Variants in HIF1A observed in about 807,000 individuals in gnomAD.
HIF1A encodes the protein hypoxia inducible factor 1 subunit alpha.
A neutral mutation model predicts 92.7 loss-of-function variants in HIF1A; 24 were observed. The ratio of observed to expected loss-of-function variants is 0.26; its 90% CI spans 0.19 to 0.36. The LOEUF (loss-of-function observed/expected upper bound fraction) is 0.36. Ranked by LOEUF, HIF1A falls within the 10% of genes least tolerant of loss-of-function variation. The pLI is 1.00. For synonymous variants in HIF1A, 319 were observed against 338.7 expected (o/e 0.94, Z 0.64); for missense variants, 799 against 998.5 (o/e 0.80, Z 2.69).
chr14:61,729,899 C>T (rs72714570), intron 6 of HIF1A, among the ~76,000 whole-genome samples: 2 of 152,074 alleles, frequency 1.3e-5, no homozygotes, highest in Non-Finnish European at 2.9e-5. Context: ...TGGTTTAGAG[C>T]TCTTTCCAGG....
In HIF1A at chr14:61,726,986, G is replaced by A. The variant is rs144298291; in HGVS notation, c.570+168G>A. Reference sequence around the variant, plus strand: ...CATGTGATCTCCAAAATGCAGAACCGTGTAGTAATTTGCCAATTTGAGGCA... The same window carrying A: ...CATGTGATCTCCAAAATGCAGAACCATGTAGTAATTTGCCAATTTGAGGCA... On this transcript the variant is annotated intron_variant, in intron 5 of 14. Transcript: ENST00000337138. 7.2e-3 allele frequency among the ~76,000 whole-genome samples: 1,095 copies of A among 152,326 alleles called. 19 individuals are homozygous for A. Among genetic ancestry groups the A allele is most frequent in the African/African-American group, 0.025 (1,027 of 41,574 alleles).
intron 1 of HIF1A, among the ~76,000 whole-genome samples, chr14:61,706,050 T>G (rs1293144837): frequency 6.6e-6 from 1 of 152,142 alleles, no homozygotes; most frequent in Non-Finnish European, 1.5e-5. Context: ...TTCTTCTACA[T>G]ACACACAAAG....
intron 1 of HIF1A, among the ~76,000 whole-genome samples, chr14:61,717,265 C>T (rs939659782): frequency 3.9e-5 from 6 of 151,994 alleles, no homozygotes; most frequent in East Asian, 1.9e-4. Context: ...GACAAGAAGC[C>T]GGGCAGTTTA....
chr14:61,709,144 A>C (rs1594860842), intron 1 of HIF1A, among the ~76,000 whole-genome samples: 1 of 151,960 alleles, frequency 6.6e-6, no homozygotes, highest in Non-Finnish European at 1.5e-5. Flanking sequence ...TGATCCGCCC[A>C]CCTCAGCCTC....
chr14:61,727,258 C>T (rs2044517304), intron 5 of HIF1A, among the ~76,000 whole-genome samples, 195 bp from the exon 6 acceptor site: 1 of 152,088 alleles, frequency 6.6e-6, no homozygotes, highest in Non-Finnish European at 1.5e-5. Context: ...AATGTATAGG[C>T]CCTGGGCAGG....
At position 61,747,067 on chromosome 14, in the gene HIF1A, T is replaced by C. The variant is rs1162266976; in HGVS notation, c.2463T>C (p.Ala821=). ...TGCAGGGTGAAGAATTACTCAGAGC[T>C]TTGGATCAAGTTAACTGAGCTTTTT... ...NLLQGEELLR[A]LDQVN is the part of the protein sequence containing the mutation. The change falls in exon 15 of 15, where the codon GCT becomes GCC. Residue 821 remains alanine, a synonymous_variant. Coordinates refer to ENST00000337138, the MANE Select transcript of HIF1A (RefSeq NM_001530.4). 2 of 1,609,788 alleles carry C rather than the reference T, an allele frequency of 1.2e-6. No homozygotes were observed. The highest frequency in any genetic ancestry group is 3.4e-5 in the Admixed American group (2 of 58,564).
chr14:61,731,570 T>C (rs747423323), intron 6 of HIF1A, among the ~76,000 whole-genome samples: 4 of 152,214 alleles, frequency 2.6e-5, no homozygotes, highest in Non-Finnish European at 4.4e-5. Flanking sequence ...ATTCCTTTAG[T>C]TCCCATTTAG....
chr14:61,718,074 C>G (rs2044383696), intron 1 of HIF1A, among the ~76,000 whole-genome samples: 1 of 150,376 alleles, frequency 6.6e-6, no homozygotes, highest in Non-Finnish European at 1.5e-5. Flanking sequence ...ATTTTTTCAC[C>G]AAGTGTTTCA....
intron 1 of HIF1A, 70 bp downstream of exon 1, chr14:61,695,909 T>A: frequency 2.8e-6 from 4 of 1,424,102 alleles, no homozygotes; most frequent in Non-Finnish European, 3.9e-6. Context: ...CCTGGGCTCC[T>A]GGGCCGGCCT....
chr14:61,742,927 C>CATGA (rs1191364917), intron 12 of HIF1A, among the ~76,000 whole-genome samples: 6 of 139,890 alleles, frequency 4.3e-5, no homozygotes, highest in Non-Finnish European at 7.6e-5. Flanking sequence ...CTGACAGATG[C>CATGA]ATGAATACAG....
rs1037532137 is a variant in HIF1A at position 61,747,341 on chromosome 14, A to T, written c.*256A>T. On this transcript the variant is annotated 3_prime_UTR_variant, in exon 15 of 15. Transcript: ENST00000337138. The stretch of plus-strand genomic sequence containing the variant: ...CATTGCATTGCAGTAGCATCATTTT[A>T]AAAAATGCACCTTTTTATTTATTTA... The T allele has an allele frequency of 3.2e-5, 9 of 281,990 alleles. No homozygotes were observed. The highest frequency in any genetic ancestry group is 1.3e-4 in the African/African-American group (6 of 45,966). 17.5% of individuals were successfully genotyped at this position (281,990 alleles called of 1,614,324 possible).
At chr14:61,695,959 T>C (rs2044109079) in intron 1 of HIF1A, 120 bp downstream of exon 1, 2 of 882,212 alleles carry the variant, frequency 2.3e-6, no homozygotes. Flanking sequence ...TTTTTGTTTC[T>C]GCTGCTGCTC....
At chr14:61,722,623 A>G (rs1308289677) in intron 4 of HIF1A, among the ~76,000 whole-genome samples, 1 of 152,230 alleles carries the variant, frequency 6.6e-6, no homozygotes, top group Non-Finnish European at 1.5e-5. Context: ...ATTAAAGTTG[A>G]GGTGCCAGTT....
At chr14:61,719,688 C>G (rs2044403514) in intron 1 of HIF1A, among the ~76,000 whole-genome samples, 1 of 152,192 alleles carries the variant, frequency 6.6e-6, no homozygotes, top group African/African-American at 2.4e-5. Context: ...TTTTGCTAAC[C>G]TATCCCTCTA....
In HIF1A at chr14:61,738,275, C is replaced by T. The variant is rs1167794652; in HGVS notation, c.1438C>T (p.Pro480Ser). ...LNQEVALKLE[P>S]NPESLELSFT... is the part of the protein sequence containing the mutation. ...TCAAGAAGTTGCATTAAAATTAGAA[C>T]CAAATCCAGAGTCACTGGAACTTTC... Residue 480 changes from proline (P) to serine (S), a missense_variant, in exon 10 of 15, where the codon CCA (proline) becomes TCA (serine). Physicochemically the swap from Pro to Ser is moderately conservative, Grantham distance 74. Coordinates refer to ENST00000337138, the MANE Select transcript of HIF1A (RefSeq NM_001530.4). 6.2e-7 allele frequency: 1 copy of T among 1,614,140 alleles called. No individual in the cohort carries two copies. Among genetic ancestry groups the T allele is most frequent in the African/African-American group, 1.3e-5 (1 of 75,038 alleles).
Position 61,741,127 on chromosome 14 carries a change from G to A in HIF1A, c.2032G>A (p.Glu678Lys), listed in dbSNP as rs2140157033. The A allele has an allele frequency of 6.2e-7, 1 of 1,613,376 alleles. No individual in the cohort carries two copies. Among genetic ancestry groups the A allele is most frequent in the Non-Finnish European group, 8.5e-7 (1 of 1,179,832 alleles). Residue 678 changes from glutamate to lysine, a missense_variant, in exon 12 of 15, where the codon GAA becomes AAA. Around this residue, in one of 2 missense-constraint regions of HIF1A, gnomAD observed 283 missense variants for 277.5 expected, o/e 1.02. Transcript: ENST00000337138. ...SPNRAGKGVI[E>K]QTEKSHPRSP... is the part of the protein sequence containing the mutation. ...AAACAGAGCAGGAAAAGGAGTCATA[G>A]AACAGACAGAAAAATCTCATCCAAG...
At chr14:61,735,830 A>G (rs2044629513) in intron 8 of HIF1A, among the ~76,000 whole-genome samples, 1 of 152,206 alleles carries the variant, frequency 6.6e-6, no homozygotes, top group African/African-American at 2.4e-5. Context: ...GACTATCCTT[A>G]GATCATGCCT....
intron 8 of HIF1A, among the ~76,000 whole-genome samples, chr14:61,735,599 G>C (rs2044625851): frequency 6.6e-6 from 1 of 152,116 alleles, no homozygotes; most frequent in Admixed American, 6.5e-5. Context: ...TCAAGGGTTG[G>C]CTATTTTAAT....
At position 61,695,765 on chromosome 14, in the gene HIF1A, G is replaced by A. The variant is rs1410435114; in HGVS notation, c.-40G>A. On this transcript the variant is annotated 5_prime_UTR_variant, in exon 1 of 15. Transcript: ENST00000337138. ...AGCGCTTAGGCCGGAGCGAGCCTGG[G>A]GGCCGCCCGCCGTGAAGACATCGCG... 1 of 1,572,196 alleles carries A rather than the reference G, an allele frequency of 6.4e-7. No homozygotes were observed. Among genetic ancestry groups the A allele is most frequent in the Admixed American group, 1.9e-5 (1 of 52,234 alleles).
Sources: gnomAD v4.1 joint callset for allele counts (sites outside exome capture counted in the v4.1 genomes callset) on GRCh38, gnomAD v4.1.1 for gene constraint, gnomAD v4.1.1 regional missense constraint, MANE v1.5 for transcripts, NCBI Gene and HGNC (gene_info 2026-07-23, HGNC 2026-07-21) for gene names.